Variants in CAMTA1 observed in about 807,000 individuals in gnomAD.
CAMTA1 encodes the protein calmodulin-binding transcription activator 1.
In CAMTA1, 27 loss-of-function variants were observed where a neutral mutation model predicts 170.9. The ratio of observed to expected loss-of-function variants is 0.16; its 90% CI spans 0.12 to 0.22. The LOEUF (loss-of-function observed/expected upper bound fraction) is 0.22, where lower values mean the gene tolerates loss of function less well. Ranked by LOEUF, CAMTA1 falls within the 10% of genes least tolerant of loss-of-function variation. The pLI is 1.00. For synonymous variants in CAMTA1, 833 were observed against 891.5 expected (o/e 0.93, Z 1.17); for missense variants, 1,619 against 2,217.2 (o/e 0.73, Z 5.42).
intron 5 of CAMTA1, among the ~76,000 whole-genome samples, chr1:7,294,279 TC>T (rs1380278804): frequency 2.0e-5 from 3 of 152,166 alleles, no homozygotes; most frequent in African/African-American, 7.2e-5. Flanking sequence ...TGGCTGAGTG[TC>T]AGGACTGGGG....
At chr1:6,973,782 A>G (rs1399833399) in intron 3 of CAMTA1, among the ~76,000 whole-genome samples, 4 of 152,288 alleles carry the variant, frequency 2.6e-5, no homozygotes, top group Non-Finnish European at 4.4e-5. Flanking sequence ...TCTTGGTCCC[A>G]TGGCTGTTCA....
intron 6 of CAMTA1, among the ~76,000 whole-genome samples, chr1:7,535,974 A>C (rs1213314035): frequency 2.0e-5 from 3 of 152,250 alleles, no homozygotes; most frequent in Non-Finnish European, 4.4e-5. Flanking sequence ...TCTGTGCATG[A>C]AATGCAAGGT....
intron 3 of CAMTA1, among the ~76,000 whole-genome samples, chr1:6,903,127 TAAC>T (rs1336126103): frequency 2.0e-5 from 3 of 152,228 alleles, no homozygotes; most frequent in Non-Finnish European, 4.4e-5. Context: ...GAACTACTGT[TAAC>T]AACCATATGG....
At chr1:7,476,758 A>T (rs1400402327) in intron 6 of CAMTA1, among the ~76,000 whole-genome samples, 1 of 152,176 alleles carries the variant, frequency 6.6e-6, no homozygotes, top group Non-Finnish European at 1.5e-5. Flanking sequence ...CAACATGGCC[A>T]TGCAAGCTCC....
chr1:7,400,606 C>T (rs2089821276), intron 5 of CAMTA1, among the ~76,000 whole-genome samples: 1 of 152,140 alleles, frequency 6.6e-6, no homozygotes, highest in Non-Finnish European at 1.5e-5. Context: ...GAATGGTCAC[C>T]TCTCCCAATT....
intron 6 of CAMTA1, among the ~76,000 whole-genome samples, chr1:7,530,403 A>G (rs2094477154): frequency 6.6e-6 from 1 of 152,172 alleles, no homozygotes; most frequent in South Asian, 2.1e-4. Context: ...TTCGAGGCAG[A>G]GCGGCACTCT....
At chr1:7,147,314 C>T (rs1646259898) in intron 4 of CAMTA1, among the ~76,000 whole-genome samples, 1 of 151,856 alleles carries the variant, frequency 6.6e-6, no homozygotes, top group Admixed American at 6.6e-5. Flanking sequence ...GTCCCAGCTA[C>T]TTGGGAGGCT....
At chr1:7,051,615 C>T (rs916677653) in intron 3 of CAMTA1, among the ~76,000 whole-genome samples, 4 of 151,906 alleles carry the variant, frequency 2.6e-5, no homozygotes, top group Non-Finnish European at 4.4e-5. Flanking sequence ...CTTGGGGGCT[C>T]AGTTGCTGTT....
At chr1:6,789,008 C>T (rs1640237307) in intron 1 of CAMTA1, among the ~76,000 whole-genome samples, 1 of 152,214 alleles carries the variant, frequency 6.6e-6, no homozygotes, top group Non-Finnish European at 1.5e-5. Flanking sequence ...CTTTCCTCTC[C>T]TTCACCCCTT....
chr1:6,910,580 G>C (rs1679484172), intron 3 of CAMTA1, among the ~76,000 whole-genome samples: 1 of 152,208 alleles, frequency 6.6e-6, no homozygotes, highest in South Asian at 2.1e-4. Flanking sequence ...ACTTGGGCCT[G>C]AGCTGTTGGA....
chr1:6,852,183 T>C (rs1364164912), intron 3 of CAMTA1, among the ~76,000 whole-genome samples: 2 of 152,186 alleles, frequency 1.3e-5, no homozygotes, highest in Admixed American at 1.3e-4. Context: ...TAGAATGTTA[T>C]ACCCTTCAAA....
At chr1:7,533,611 A>G (rs2094516269) in intron 6 of CAMTA1, among the ~76,000 whole-genome samples, 1 of 152,094 alleles carries the variant, frequency 6.6e-6, no homozygotes. Context: ...CTCCAGCTGG[A>G]CTAGACATTA....
intron 3 of CAMTA1, among the ~76,000 whole-genome samples, chr1:6,933,744 T>C (rs1447275741): frequency 1.3e-5 from 2 of 152,032 alleles, no homozygotes; most frequent in Admixed American, 6.5e-5. Flanking sequence ...CTCCACTGAA[T>C]TGCATTTTGC....
intron 6 of CAMTA1, among the ~76,000 whole-genome samples, chr1:7,504,975 CAGG>C (rs1246274812): frequency 6.7e-6 from 1 of 148,232 alleles, no homozygotes; most frequent in African/African-American, 2.5e-5. Context: ...CACAGCTGGG[CAGG>C]AGGAGTTCAG....
intron 5 of CAMTA1, among the ~76,000 whole-genome samples, chr1:7,398,193 C>CTATATATATATA (rs3034829): frequency 8.9e-4 from 15 of 16,892 alleles, no homozygotes; most frequent in Non-Finnish European, 1.4e-3. Flanking sequence ...CTCTCTCTCT[C>CTATATATATATA]TATATATATA....
chr1:7,150,785 G>A (rs1239949714), intron 4 of CAMTA1, among the ~76,000 whole-genome samples: 4 of 152,192 alleles, frequency 2.6e-5, no homozygotes, highest in Admixed American at 6.5e-5. Flanking sequence ...CGGATGCTTC[G>A]AGGGAAATGA....
At chr1:6,998,420 G>C (rs1224950213) in intron 3 of CAMTA1, among the ~76,000 whole-genome samples, 1 of 152,118 alleles carries the variant, frequency 6.6e-6, no homozygotes, top group Non-Finnish European at 1.5e-5. Context: ...GGAGCTCTGC[G>C]TGCTCTCCGC....
chr1:7,309,328 C>G (rs1327649788), intron 5 of CAMTA1, among the ~76,000 whole-genome samples: 1 of 109,276 alleles, frequency 9.2e-6, no homozygotes, highest in Non-Finnish European at 1.7e-5. Context: ...GAGACGGAGT[C>G]TCGCTCTGTC....
chr1:7,114,222 T>C (rs1002172610), intron 4 of CAMTA1, among the ~76,000 whole-genome samples: 6 of 151,922 alleles, frequency 3.9e-5, no homozygotes, highest in Middle Eastern at 6.8e-3. Context: ...GTGGCAGCAG[T>C]GGGAGGGAAG....
Sources: gnomAD v4.1 joint callset for allele counts (sites outside exome capture counted in the v4.1 genomes callset) on GRCh38, gnomAD v4.1.1 for gene constraint, MANE v1.5 for transcripts, NCBI Gene and HGNC (gene_info 2026-07-23, HGNC 2026-07-21) for gene names.